LRRC4C: variants seen among roughly 807,000 people sequenced by gnomAD.
LRRC4C encodes the protein leucine-rich repeat-containing protein 4C.
Under a neutral mutation model 33.6 loss-of-function variants are expected in LRRC4C, and 5 were observed. The observed-to-expected ratio is 0.15, with a 90% confidence interval of 0.08 to 0.31. LRRC4C has a LOEUF of 0.31. Among genes scored for constraint, LRRC4C ranks in the 10% least tolerant of loss-of-function variants. The pLI is 1.00. For missense variants in LRRC4C, 560 were observed against 796.7 expected (o/e 0.70, Z 3.58); for synonymous variants, 329 against 302.0 (o/e 1.09, Z -0.93).
At position 41,208,835 on chromosome 11, in the gene LRRC4C, G is replaced by A. The variant is rs141982438; in HGVS notation, c.-496+250596C>T. The stretch of plus-strand genomic sequence containing the variant: ...CTTGGTTTTAGTGGGCCAGGATGAC[G>A]CACTGGCCAGTGCCTCAAGGACAAG... On this transcript the variant is annotated intron_variant, in intron 1 of 6. Coordinates refer to ENST00000528697, the MANE Select transcript of LRRC4C (RefSeq NM_001258419.2). Among the ~76,000 whole-genome samples, 45 of 152,266 alleles carry A rather than the reference G, an allele frequency of 3.0e-4. No individual in the cohort carries two copies. The East Asian group carries it at 6.4e-3, about 22-fold the overall frequency.
intron 5 of LRRC4C, among the ~76,000 whole-genome samples, chr11:40,223,086 C>T (rs1167424207): frequency 1.4e-5 from 2 of 142,002 alleles, no homozygotes. Flanking sequence ...GAAATATAGA[C>T]TGTGTCCATA....
intron 5 of LRRC4C, among the ~76,000 whole-genome samples, chr11:40,214,683 C>T (rs1275532140): frequency 1.3e-5 from 2 of 152,140 alleles, no homozygotes; most frequent in African/African-American, 4.8e-5. Context: ...AGTAAGACAG[C>T]CCTCACCAAA....
intron 2 of LRRC4C, among the ~76,000 whole-genome samples, chr11:40,924,472 A>G (rs552376356): frequency 3.6e-4 from 55 of 152,244 alleles, no homozygotes; most frequent in African/African-American, 1.3e-3. Context: ...TAAAGAATCT[A>G]CTGGAATCAA....
chr11:40,903,691 G>A (rs1042795722), intron 2 of LRRC4C, among the ~76,000 whole-genome samples: 2 of 152,092 alleles, frequency 1.3e-5, no homozygotes, highest in Admixed American at 1.3e-4. Flanking sequence ...GACTTCAGTG[G>A]CATGGTTAAT....
At chr11:41,364,119 G>T (rs1020939322) in intron 1 of LRRC4C, among the ~76,000 whole-genome samples, 20 of 152,082 alleles carry the variant, frequency 1.3e-4, no homozygotes, top group African/African-American at 4.6e-4. Flanking sequence ...CTGTCAGGTT[G>T]CATGAGAGGT....
At chr11:41,218,837 G>A (rs772049470) in intron 1 of LRRC4C, among the ~76,000 whole-genome samples, 7 of 138,712 alleles carry the variant, frequency 5.0e-5, no homozygotes, top group Non-Finnish European at 1.1e-4. Flanking sequence ...TTGCGATCTC[G>A]GCTCACAGCA....
intron 2 of LRRC4C, among the ~76,000 whole-genome samples, chr11:40,752,641 G>A (rs1948748660): frequency 6.6e-6 from 1 of 151,812 alleles, no homozygotes; most frequent in Admixed American, 6.6e-5. Context: ...GTGAAGGTGT[G>A]GAAAAAAGGG....
intron 4 of LRRC4C, among the ~76,000 whole-genome samples, chr11:40,296,724 A>T (rs1944534169): frequency 6.6e-6 from 1 of 152,202 alleles, no homozygotes; most frequent in Admixed American, 6.5e-5. Flanking sequence ...TTGTTGCTGA[A>T]AAAAAACATA....
chr11:40,602,044 AT>A (rs1415115292), intron 3 of LRRC4C, among the ~76,000 whole-genome samples: 1 of 151,172 alleles, frequency 6.6e-6, no homozygotes, highest in East Asian at 1.9e-4. Context: ...CAAAAAAAAA[AT>A]TTAGCTGGGT....
chr11:40,976,579 C>T (rs1344529914), intron 1 of LRRC4C, among the ~76,000 whole-genome samples: 1 of 152,084 alleles, frequency 6.6e-6, no homozygotes, highest in African/African-American at 2.4e-5. Flanking sequence ...CTAGTGAGAC[C>T]AAAAATACTT....
At chr11:41,170,273 C>T (rs1046455869) in intron 1 of LRRC4C, among the ~76,000 whole-genome samples, 3 of 152,020 alleles carry the variant, frequency 2.0e-5, no homozygotes, top group African/African-American at 7.2e-5. Context: ...TCATATGGAA[C>T]CAAAAAAGAG....
rs189923949 is a variant in LRRC4C at position 40,557,482 on chromosome 11, C to T, written c.-270+90660G>A. On this transcript the variant is annotated intron_variant, in intron 3 of 6. Transcript: ENST00000528697. ...ATGCAAAAGTATCTTTGAACTGAAA[C>T]GATTATCTTTATGATTAGAAAACAA... Among the ~76,000 whole-genome samples the T allele has an allele frequency of 8.0e-4, 122 of 152,200 alleles. 1 individual carries two copies. The East Asian group carries it at 0.016, about 20-fold the overall frequency.
At chr11:41,277,778 A>C (rs1157113667) in intron 1 of LRRC4C, among the ~76,000 whole-genome samples, 2 of 152,042 alleles carry the variant, frequency 1.3e-5, no homozygotes, top group African/African-American at 2.4e-5. Flanking sequence ...CCTTTCATTG[A>C]TTTTTTTCAA....
At chr11:40,379,174 A>C (rs906528772) in intron 3 of LRRC4C, among the ~76,000 whole-genome samples, 3 of 152,152 alleles carry the variant, frequency 2.0e-5, no homozygotes, top group African/African-American at 7.2e-5. Flanking sequence ...GGTCAGTAGG[A>C]GATCCTAACA....
chr11:40,505,851 C>A (rs1955009341), intron 3 of LRRC4C, among the ~76,000 whole-genome samples: 2 of 151,998 alleles, frequency 1.3e-5, no homozygotes, highest in South Asian at 4.1e-4. Context: ...ATTCTGACCC[C>A]ATTTTCTTAA....
At chr11:40,586,301 A>G (rs528624739) in intron 3 of LRRC4C, among the ~76,000 whole-genome samples, 6,814 of 150,616 alleles carry the variant, frequency 0.045, 210 homozygotes, top group Non-Finnish European at 0.067. Context: ...CATGTCCTTC[A>G]CCCACTTTTT....
intron 3 of LRRC4C, among the ~76,000 whole-genome samples, chr11:40,488,656 C>T (rs76015744): frequency 0.011 from 1,742 of 152,112 alleles, 39 homozygotes; most frequent in African/African-American, 0.039. Flanking sequence ...TGTGTTGCCT[C>T]CCTGTTTGGA....
chr11:40,364,079 T>C lies in LRRC4C; in HGVS notation c.-269-44358A>G, dbSNP rs181798316. Among the ~76,000 whole-genome samples, 3 of 152,178 alleles carry C rather than the reference T, an allele frequency of 2.0e-5. No homozygotes were observed. In the East Asian group the frequency reaches 5.8e-4, roughly 29 times the overall value. ...TTCAAGAAAATAAAATAGCACTATG[T>C]AACTTAACTATATACCCAAACAAAG... is the stretch of plus-strand genomic sequence containing the variant. On this transcript the variant is annotated intron_variant, in intron 3 of 6. Transcript: ENST00000528697.
At chr11:40,911,629 A>C (rs1956694508) in intron 2 of LRRC4C, among the ~76,000 whole-genome samples, 1 of 152,220 alleles carries the variant, frequency 6.6e-6, no homozygotes, top group African/African-American at 2.4e-5. Flanking sequence ...AATTCTAAAA[A>C]TCAGAGAGCC....
Sources: allele counts gnomAD v4.1 joint callset (sites outside exome capture counted in the v4.1 genomes callset), GRCh38; gene constraint gnomAD v4.1.1; transcripts MANE v1.5; gene names NCBI Gene and HGNC (gene_info 2026-07-23, HGNC 2026-07-21).